The following PLCB1 variants were observed in gnomAD, a reference collection of about 807,000 sequenced individuals.
PLCB1 encodes phospholipase C beta 1, also known as 1-phosphatidylinositol 4,5-bisphosphate phosphodiesterase beta-1.
In PLCB1, 46 loss-of-function variants were observed where a neutral mutation model predicts 161.8. The ratio of observed to expected loss-of-function variants is 0.28; its 90% confidence interval spans 0.22 to 0.36. The LOEUF (loss-of-function observed/expected upper bound fraction) is 0.36. Among genes scored for constraint, PLCB1 ranks in the 10% least tolerant of loss-of-function variants. The pLI, the probability that PLCB1 is intolerant of heterozygous loss-of-function variation, is 1.00. For synonymous variants in PLCB1, 517 were observed against 503.7 expected (o/e 1.03, Z -0.35); for missense variants, 1,016 against 1,472.5 (o/e 0.69, Z 5.07).
chr20:8,384,907 T>G (rs533203415), intron 3 of PLCB1, among the ~76,000 whole-genome samples: 140 of 152,268 alleles, frequency 9.2e-4, no homozygotes, highest in African/African-American at 3.2e-3. Context: ...CTGCTCCTTC[T>G]TCTGGCATCT....
chr20:8,153,608 A>G (rs963318124), intron 2 of PLCB1, among the ~76,000 whole-genome samples: 3 of 152,170 alleles, frequency 2.0e-5, no homozygotes, highest in Admixed American at 2.0e-4. Flanking sequence ...AAAAAGTGTC[A>G]ATGTTAAAGA....
intron 2 of PLCB1, among the ~76,000 whole-genome samples, chr20:8,328,038 C>T (rs1202636978): frequency 6.6e-6 from 1 of 151,948 alleles, no homozygotes; most frequent in Non-Finnish European, 1.5e-5. Context: ...TGCTTGGGGC[C>T]AGAAGTGTTT....
intron 3 of PLCB1, among the ~76,000 whole-genome samples, chr20:8,470,263 C>A (rs957817150): frequency 1.3e-5 from 2 of 152,132 alleles, no homozygotes; most frequent in African/African-American, 4.8e-5. Flanking sequence ...CATATGTTTT[C>A]ATGTATCTTT....
intron 8 of PLCB1, among the ~76,000 whole-genome samples, chr20:8,657,684 C>A (rs1989501861): frequency 1.3e-5 from 2 of 151,838 alleles, no homozygotes; most frequent in South Asian, 4.2e-4. Flanking sequence ...TACTAAGAAC[C>A]CTCTCAGCTG....
chr20:8,495,004 C>T (rs892128820), intron 3 of PLCB1, among the ~76,000 whole-genome samples: 11 of 151,700 alleles, frequency 7.3e-5, no homozygotes, highest in Non-Finnish European at 1.2e-4. Flanking sequence ...CTTTGCTGTC[C>T]CACTCTGAGA....
intron 9 of PLCB1, among the ~76,000 whole-genome samples, chr20:8,674,885 G>C (rs1990036497): frequency 6.6e-6 from 1 of 152,126 alleles, no homozygotes; most frequent in Non-Finnish European, 1.5e-5. Flanking sequence ...GACTGGTGAA[G>C]GATAAAGGAG....
intron 12 of PLCB1, among the ~76,000 whole-genome samples, chr20:8,710,502 C>CTTTT (rs1177302486): frequency 5.6e-5 from 4 of 71,476 alleles, no homozygotes; most frequent in Admixed American, 1.8e-4. Flanking sequence ...CTTGAGGATG[C>CTTTT]TTTTTTTTTT....
At chr20:8,664,387 A>G (rs1989758147) in intron 9 of PLCB1, among the ~76,000 whole-genome samples, 1 of 152,260 alleles carries the variant, frequency 6.6e-6, no homozygotes, top group East Asian at 1.9e-4. Context: ...CAGATACAGC[A>G]AGTGCTTTAG....
At chr20:8,736,766 C>T (rs1980606486) in intron 19 of PLCB1, among the ~76,000 whole-genome samples, 1 of 152,114 alleles carries the variant, frequency 6.6e-6, no homozygotes, top group African/African-American at 2.4e-5. Flanking sequence ...ATGAGAGAAA[C>T]CACTCCCATA....
chr20:8,190,749 A>G (rs551160754), intron 2 of PLCB1, among the ~76,000 whole-genome samples: 1 of 152,240 alleles, frequency 6.6e-6, no homozygotes, highest in South Asian at 2.1e-4. Context: ...GAACCATTTA[A>G]TAAGTAACTA....
intron 2 of PLCB1, among the ~76,000 whole-genome samples, chr20:8,199,442 A>G (rs2052066148): frequency 6.6e-6 from 1 of 152,192 alleles, no homozygotes; most frequent in Non-Finnish European, 1.5e-5. Context: ...GAATGTATGA[A>G]TGTGCCTATT....
In PLCB1 at chr20:8,269,523, C is replaced by T. The variant is rs552640049; in HGVS notation, c.178-101859C>T. Among the ~76,000 whole-genome samples the T allele has an allele frequency of 3.3e-5, 5 of 152,248 alleles. No individual in the cohort carries two copies. In the South Asian group the frequency reaches 1.0e-3, roughly 32 times the overall value. On this transcript the variant is annotated intron_variant, in intron 2 of 31. Coordinates refer to ENST00000338037, the MANE Select transcript of PLCB1 (RefSeq NM_015192.4). ...ACTTGTAGACTGTATTTTCTTATAA[C>T]TCAGAGCTTTAGAAACCCGATGCAA...
intron 31 of PLCB1, among the ~76,000 whole-genome samples, chr20:8,809,602 C>T (rs1984712662): frequency 1.3e-5 from 2 of 152,168 alleles, no homozygotes; most frequent in South Asian, 4.1e-4. Flanking sequence ...CTGGCACAAA[C>T]CTTACCCTCT....
intron 3 of PLCB1, 73 bp downstream of exon 3, chr20:8,371,523 T>G: frequency 9.7e-7 from 1 of 1,033,452 alleles, no homozygotes; most frequent in Non-Finnish European, 1.5e-6. Context: ...ATCAATTAAT[T>G]GCCCCAATTA....
intron 2 of PLCB1, among the ~76,000 whole-genome samples, chr20:8,269,671 G>A (rs779552525): frequency 1.1e-4 from 17 of 151,988 alleles, no homozygotes; most frequent in Non-Finnish European, 2.4e-4. Context: ...AAACTGAAAC[G>A]TAAGTTTTGT....
intron 3 of PLCB1, among the ~76,000 whole-genome samples, chr20:8,404,706 C>A (rs1232956416): frequency 6.6e-6 from 1 of 152,070 alleles, no homozygotes; most frequent in Non-Finnish European, 1.5e-5. Context: ...TTTAGTAATT[C>A]TTCCCCAGAA....
chr20:8,822,716 G>A (rs1019042136), intron 31 of PLCB1, among the ~76,000 whole-genome samples: 5 of 152,150 alleles, frequency 3.3e-5, no homozygotes, highest in Admixed American at 1.3e-4. Flanking sequence ...CGCTTCCTCA[G>A]ATATGTCATT....
At chr20:8,350,296 T>G (rs954909875) in intron 2 of PLCB1, among the ~76,000 whole-genome samples, 3 of 152,162 alleles carry the variant, frequency 2.0e-5, no homozygotes, top group African/African-American at 7.2e-5. Context: ...AGTGTGTCCA[T>G]GTGTACTCAT....
intron 20 of PLCB1, 24 bp from the exon 21 acceptor site, chr20:8,739,237 G>T (rs373482157): frequency 7.8e-7 from 1 of 1,282,954 alleles, no homozygotes; most frequent in South Asian, 1.2e-5. Context: ...TTATAACCAG[G>T]TGTGTCCTTA....
Sources: allele counts gnomAD v4.1 joint callset (sites outside exome capture counted in the v4.1 genomes callset), GRCh38; gene constraint gnomAD v4.1.1; transcripts MANE v1.5; gene names NCBI Gene and HGNC (gene_info 2026-07-23, HGNC 2026-07-21).